Variants in SAMD7 observed in about 807,000 individuals in gnomAD.
SAMD7 encodes sterile alpha motif domain containing 7, also known as sterile alpha motif domain-containing protein 7.
In SAMD7, 34 loss-of-function variants were observed where a neutral mutation model predicts 36.7. The ratio of observed to expected loss-of-function variants is 0.93; its 90% CI spans 0.71 to 1.23. The LOEUF is 1.23. SAMD7 is among the 50% of genes most tolerant of loss of function. The probability of loss-of-function intolerance (pLI) is 0.00; values close to 1 mark genes in which losing one functional copy is unlikely to be tolerated. For synonymous variants in SAMD7, 188 were observed against 189.7 expected (o/e 0.99, Z 0.07); for missense variants, 570 against 546.6 (o/e 1.04, Z -0.43).
chr3:169,921,086 T>C lies in SAMD7; in HGVS notation c.87-128T>C, dbSNP rs58861288. 8.1e-3 allele frequency: 6,700 copies of C among 827,776 alleles called. 119 individuals are homozygous for C. The highest frequency in any genetic ancestry group is 0.043 in the African/African-American group (2,493 of 58,380). The allele number at this position is 827,776 out of a possible 1,614,324, so 51.3% of individuals were successfully genotyped here. On this transcript the variant is annotated intron_variant, in intron 3 of 8. Coordinates refer to ENST00000335556, the MANE Select transcript of SAMD7 (RefSeq NM_001304366.2). ...AAATTCATAAAGACTCCAGGACTTT[T>C]GTATTTCATCTTGAGAAGAGATGAT...
chr3:169,923,594 T>G (rs760509573), intron 4 of SAMD7, among the ~76,000 whole-genome samples: 7 of 152,020 alleles, frequency 4.6e-5, no homozygotes, highest in Non-Finnish European at 8.8e-5. Flanking sequence ...ATATGAAAAT[T>G]AGCCAGGTGT....
chr3:169,924,961 TC>T, intron 4 of SAMD7, 96 bp from the exon 5 acceptor site: 1 of 779,342 alleles, frequency 1.3e-6, no homozygotes, highest in South Asian at 1.9e-5. Context: ...TTTTTTTTTT[TC>T]AGATACTGTT....
chr3:169,937,830 T>G (rs1713778330), intron 8 of SAMD7, among the ~76,000 whole-genome samples: 1 of 152,222 alleles, frequency 6.6e-6, no homozygotes, highest in South Asian at 2.1e-4. Context: ...TCAGAAATCA[T>G]GCATTGGCCT....
chr3:169,922,034 G>C (rs1376918088), intron 4 of SAMD7, among the ~76,000 whole-genome samples: 1 of 152,162 alleles, frequency 6.6e-6, no homozygotes, highest in African/African-American at 2.4e-5. Flanking sequence ...GGTGCAAGTA[G>C]TTGGAAAGAT....
chr3:169,913,599 G>T (rs765261257), intron 1 of SAMD7, among the ~76,000 whole-genome samples: 1 of 152,154 alleles, frequency 6.6e-6, no homozygotes, highest in Non-Finnish European at 1.5e-5. Flanking sequence ...AGAGCTCTGG[G>T]TCAGAGAAAT....
At chr3:169,922,435 A>C (rs753233319) in intron 4 of SAMD7, among the ~76,000 whole-genome samples, 5 of 152,184 alleles carry the variant, frequency 3.3e-5, no homozygotes, top group Non-Finnish European at 7.3e-5. Flanking sequence ...ACAGGAAGAA[A>C]GTGTGGAATG....
chr3:169,930,783 G>T (rs1330597341), intron 7 of SAMD7, among the ~76,000 whole-genome samples: 1 of 151,722 alleles, frequency 6.6e-6, no homozygotes, highest in East Asian at 1.9e-4. Context: ...GGGTTTCATC[G>T]TGTTGGCCAG....
In SAMD7 at chr3:169,917,855, C is replaced by A. The variant is rs540284997; in HGVS notation, c.-41-1603C>A. On this transcript the variant is annotated intron_variant, in intron 2 of 8. Transcript: ENST00000335556. ...ACATGGTTTCACCATGTTAGCTAGG[C>A]TGGTCTCGATCTCCTGACCTCATGA... Among the ~76,000 whole-genome samples, 6 of 152,174 alleles carry A rather than the reference C, an allele frequency of 3.9e-5. No homozygotes were observed. The East Asian group carries it at 1.2e-3, about 29-fold the overall frequency.
rs1713308303 is a variant in SAMD7, at chr3:169,927,236, G to A, written c.919+55G>A. The A allele has an allele frequency of 1.1e-5, 15 of 1,330,062 alleles. 1 individual carries two copies. Among genetic ancestry groups the A allele is most frequent in the South Asian group, 1.1e-4 (7 of 63,754 alleles). The allele number at this position is 1,330,062 out of a possible 1,614,324, so 82.4% of individuals were successfully genotyped here. The stretch of plus-strand genomic sequence containing the variant: ...TCATTAACTACAGGTTGCCAAGTCC[G>A]TAGGTTACTACATAATAAACTGTAA... On this transcript the variant is annotated intron_variant, in intron 6 of 8. Coordinates refer to ENST00000335556, the MANE Select transcript of SAMD7 (RefSeq NM_001304366.2).
intron 5 of SAMD7, among the ~76,000 whole-genome samples, chr3:169,925,388 A>G (rs576585134): frequency 6.6e-6 from 1 of 152,296 alleles, no homozygotes; most frequent in Non-Finnish European, 1.5e-5. Context: ...AAGAAAAAGA[A>G]ATGAATACAA....
chr3:169,937,661 A>G (rs1469954547), intron 8 of SAMD7, among the ~76,000 whole-genome samples: 2 of 152,136 alleles, frequency 1.3e-5, no homozygotes, highest in African/African-American at 2.4e-5. Flanking sequence ...TCTATCACTG[A>G]TGGGCATTTG....
At chr3:169,920,683 TTTG>T (rs1480832199) in intron 3 of SAMD7, among the ~76,000 whole-genome samples, 1 of 152,220 alleles carries the variant, frequency 6.6e-6, no homozygotes, top group African/African-American at 2.4e-5. Context: ...TTTTTTGTTT[TTTG>T]TTGTTGTTGT....
At chr3:169,915,666 C>T (rs1365120100) in intron 2 of SAMD7, among the ~76,000 whole-genome samples, 1 of 147,700 alleles carries the variant, frequency 6.8e-6, no homozygotes, top group Non-Finnish European at 1.5e-5. Flanking sequence ...CTCACTGCAA[C>T]CTCTGCCTCC....
At chr3:169,919,285 A>C (rs888990655) in intron 2 of SAMD7, among the ~76,000 whole-genome samples, 173 bp from the exon 3 acceptor site, 1 of 152,228 alleles carries the variant, frequency 6.6e-6, no homozygotes, top group African/African-American at 2.4e-5. Flanking sequence ...CATACTGATA[A>C]AACACTGAGT....
chr3:169,913,904 G>A (rs535301595), intron 1 of SAMD7, among the ~76,000 whole-genome samples: 1 of 152,302 alleles, frequency 6.6e-6, no homozygotes, highest in African/African-American at 2.4e-5. Context: ...CCTGGCTGAT[G>A]AAGGGAAAGA....
chr3:169,915,675 C>T (rs1186046037), intron 2 of SAMD7, among the ~76,000 whole-genome samples: 1 of 148,364 alleles, frequency 6.7e-6, no homozygotes, highest in Non-Finnish European at 1.5e-5. Flanking sequence ...ACCTCTGCCT[C>T]CTGAGTTCAA....
In SAMD7 at chr3:169,927,185, G is replaced by T; in HGVS notation, c.919+4G>T. The T allele has an allele frequency of 2.6e-6, 4 of 1,519,876 alleles. No individual in the cohort carries two copies. The highest frequency in any genetic ancestry group is 3.5e-6 in the Non-Finnish European group (4 of 1,137,940). The allele number at this position is 1,519,876 out of a possible 1,614,324, so 94.1% of individuals were successfully genotyped here. A position where few individuals can be genotyped will look rare whatever the true frequency, so the allele number is the denominator to read the frequency against. ...GTTCCTCGACCATCTCTGCCAGGTG[G>T]GTGTCCAGGGGCCAATGGCAGATCC... On this transcript the variant is annotated splice_donor_region_variant and intron_variant, in intron 6 of 8. Coordinates refer to ENST00000335556, the MANE Select transcript of SAMD7 (RefSeq NM_001304366.2).
At chr3:169,925,226 A>G in intron 5 of SAMD7, 90 bp downstream of exon 5, 1 of 766,298 alleles carries the variant, frequency 1.3e-6, no homozygotes, top group African/African-American at 1.8e-5. Context: ...TGAATAGATG[A>G]ATATATATAA....
intron 4 of SAMD7, among the ~76,000 whole-genome samples, chr3:169,924,030 T>C (rs185643225): frequency 3.2e-4 from 49 of 152,308 alleles, no homozygotes; most frequent in African/African-American, 1.2e-3. Flanking sequence ...GCACAGACTT[T>C]CTCTGTGTCC....
Sources: gnomAD v4.1 joint callset for allele counts (sites outside exome capture counted in the v4.1 genomes callset) on GRCh38, gnomAD v4.1.1 for gene constraint, MANE v1.5 for transcripts, NCBI Gene and HGNC (gene_info 2026-07-23, HGNC 2026-07-21) for gene names.